The following PLCB4 variants were observed in gnomAD, a reference collection of about 807,000 sequenced individuals.
PLCB4 encodes the protein phospholipase C beta 4.
PLCB4 carries 77 observed loss-of-function variants against 178.8 expected under a neutral mutation model. The ratio of observed to expected loss-of-function variants is 0.43; its 90% CI spans 0.36 to 0.52. PLCB4 has a LOEUF of 0.52. PLCB4 is among the 20% of genes least tolerant of loss of function. The pLI, the probability that PLCB4 is intolerant of heterozygous loss-of-function variation, is 0.00. For synonymous variants in PLCB4, 496 were observed against 490.8 expected, an observed-to-expected ratio of 1.01 and a Z score of -0.14; for missense variants, 1,024 against 1,453.4, an observed-to-expected ratio of 0.70 and a Z score of 4.80.
At chr20:9,441,340 G>A (rs564031633) in intron 30 of PLCB4, among the ~76,000 whole-genome samples, 6 of 152,142 alleles carry the variant, frequency 3.9e-5, no homozygotes, top group African/African-American at 1.4e-4. Flanking sequence ...TTGGGGTGGG[G>A]TGGGGAATAA....
At chr20:9,235,651 T>C (rs181008245) in intron 3 of PLCB4, among the ~76,000 whole-genome samples, 9 of 152,310 alleles carry the variant, frequency 5.9e-5, no homozygotes, top group Admixed American at 5.9e-4. Flanking sequence ...TTCTCAGATG[T>C]AGAAGTGGGT....
chr20:9,138,016 A>G (rs1323349759), intron 2 of PLCB4, among the ~76,000 whole-genome samples: 2 of 152,174 alleles, frequency 1.3e-5, no homozygotes, highest in African/African-American at 2.4e-5. Flanking sequence ...TTACGTGCAT[A>G]TAAATGAGGA....
In PLCB4 at chr20:9,408,076, A is replaced by G; in HGVS notation, c.1789+18A>G. ...GGCAGAAGGTAACACCAAAGGTTAA[A>G]TGCAGTCGCCTTTTTTGCTTGATTT... On this transcript the variant is annotated intron_variant, in intron 22 of 39. Transcript: ENST00000378473. 1 of 1,590,930 alleles carries G rather than the reference A, an allele frequency of 6.3e-7. No homozygotes were observed. Among genetic ancestry groups the G allele is most frequent in the Non-Finnish European group, 8.5e-7 (1 of 1,171,434 alleles).
At chr20:9,098,089 G>T (rs1485926820) in intron 2 of PLCB4, among the ~76,000 whole-genome samples, 1 of 152,156 alleles carries the variant, frequency 6.6e-6, no homozygotes, top group Non-Finnish European at 1.5e-5. Context: ...GCAGTGAATT[G>T]ACTGCATAAT....
At chr20:9,085,209 A>G (rs1218939415) in intron 1 of PLCB4, among the ~76,000 whole-genome samples, 1 of 152,222 alleles carries the variant, frequency 6.6e-6, no homozygotes, top group Non-Finnish European at 1.5e-5. Context: ...AGAACCTGAC[A>G]TAGCTACAGC....
chr20:9,318,641 C>T (rs2094926702), intron 4 of PLCB4, among the ~76,000 whole-genome samples: 1 of 152,086 alleles, frequency 6.6e-6, no homozygotes. Flanking sequence ...TAAACTGTAG[C>T]CTAAACATCT....
At chr20:9,216,497 G>A (rs551855955) in intron 2 of PLCB4, among the ~76,000 whole-genome samples, 54 of 151,738 alleles carry the variant, frequency 3.6e-4, no homozygotes, top group African/African-American at 1.2e-3. Flanking sequence ...GATTACAGGC[G>A]TGAGCCACTG....
At chr20:9,167,816 C>T (rs1344562696) in intron 2 of PLCB4, among the ~76,000 whole-genome samples, 1 of 152,108 alleles carries the variant, frequency 6.6e-6, no homozygotes, top group Admixed American at 6.6e-5. Context: ...GTTAGGCACG[C>T]CTTAAACACA....
intron 32 of PLCB4, among the ~76,000 whole-genome samples, chr20:9,447,464 C>G (rs939534914): frequency 2.0e-5 from 3 of 152,118 alleles, no homozygotes; most frequent in African/African-American, 7.2e-5. Flanking sequence ...TGGCTGGGGT[C>G]CTGAGAGACC....
intron 2 of PLCB4, among the ~76,000 whole-genome samples, chr20:9,204,464 AT>A (rs1330807915): frequency 1.3e-5 from 2 of 151,960 alleles, no homozygotes; most frequent in East Asian, 3.9e-4. Context: ...GGTTCAAGTG[AT>A]TCTCCTGTCT....
At position 9,411,049 on chromosome 20, in the gene PLCB4, A is replaced by C. The variant is rs756146522; in HGVS notation, c.2012A>C (p.Gln671Pro). ...TGTCTCTTGACAGATTTAGCGATGCAATTGAATCAGGGAAAATTTGAGTAT... is the reference window on the plus strand; with the variant it reads ...TGTCTCTTGACAGATTTAGCGATGCCATTGAATCAGGGAAAATTTGAGTAT... ...LNYQTPDLAM[Q>P]LNQGKFEYNG... The change falls in exon 25 of 40, where the codon CAA (glutamine) becomes CCA (proline). Residue 671 changes from glutamine to proline, a missense_variant. Physicochemically the swap from Gln to Pro is moderately conservative, Grantham distance 76 (BLOSUM62 -1). Coordinates refer to ENST00000378473, the MANE Select transcript of PLCB4 (RefSeq NM_001377142.1). 1 of 1,611,364 alleles carries C rather than the reference A, an allele frequency of 6.2e-7. No individual in the cohort carries two copies. The highest frequency in any genetic ancestry group is 8.5e-7 in the Non-Finnish European group (1 of 1,177,608).
At chr20:9,468,777 C>T in intron 36 of PLCB4, 105 bp downstream of exon 36, 2 of 635,910 alleles carry the variant, frequency 3.1e-6, no homozygotes, top group South Asian at 4.3e-5. Flanking sequence ...CAGCAAAACA[C>T]TTGTGGCTTT....
intron 3 of PLCB4, among the ~76,000 whole-genome samples, chr20:9,297,928 A>G (rs991356850): frequency 1.3e-5 from 2 of 152,092 alleles, no homozygotes; most frequent in African/African-American, 4.8e-5. Flanking sequence ...ACTTCGTTGT[A>G]TTCTAATTTC....
intron 4 of PLCB4, among the ~76,000 whole-genome samples, chr20:9,310,136 T>G (rs575425215): frequency 1.1e-4 from 17 of 152,150 alleles, no homozygotes; most frequent in Non-Finnish European, 2.5e-4. Flanking sequence ...CCTATAAGAC[T>G]CAGTTCTTTA....
At chr20:9,222,036 G>GTTTTATTTTATTTTATTTTA (rs869180528) in intron 3 of PLCB4, among the ~76,000 whole-genome samples, 1 of 97,278 alleles carries the variant, frequency 1.0e-5, no homozygotes, top group Non-Finnish European at 2.2e-5. Flanking sequence ...ATTTTATTTT[G>GTTTTATTTTATTTTATTTTA]TTTTATTTTA....
At chr20:9,427,424 T>C (rs538444518) in intron 28 of PLCB4, among the ~76,000 whole-genome samples, 96 of 151,644 alleles carry the variant, frequency 6.3e-4, no homozygotes, top group Non-Finnish European at 1.2e-3. Flanking sequence ...CATGAAAACT[T>C]GGCTTAATTT....
intron 24 of PLCB4, among the ~76,000 whole-genome samples, chr20:9,409,548 A>G (rs1300314876): frequency 2.0e-5 from 3 of 152,190 alleles, no homozygotes; most frequent in African/African-American, 7.2e-5. Flanking sequence ...TTGTACAGTA[A>G]CAGCGACTCA....
intron 3 of PLCB4, among the ~76,000 whole-genome samples, chr20:9,305,149 A>C (rs1410220445): frequency 6.6e-6 from 1 of 151,046 alleles, no homozygotes; most frequent in Non-Finnish European, 1.5e-5. Context: ...GAATTTAACC[A>C]ATTCGTATTT....
At chr20:9,253,401 AGGGC>A (rs2094201197) in intron 3 of PLCB4, among the ~76,000 whole-genome samples, 2 of 152,156 alleles carry the variant, frequency 1.3e-5, no homozygotes, top group African/African-American at 4.8e-5. Flanking sequence ...CAAACAAGGT[AGGGC>A]TCCTGCTCTG....
Sources: gnomAD v4.1 joint callset for allele counts (sites outside exome capture counted in the v4.1 genomes callset) on GRCh38, gnomAD v4.1.1 for gene constraint, MANE v1.5 for transcripts, NCBI Gene and HGNC (gene_info 2026-07-23, HGNC 2026-07-21) for gene names.